The following RNF216 variants were observed in gnomAD, a reference collection of about 807,000 sequenced individuals.
RNF216 encodes the protein E3 ubiquitin-protein ligase RNF216.
RNF216 carries 72 observed loss-of-function variants against 110.8 expected under a neutral mutation model. The ratio of observed to expected loss-of-function variants is 0.65; its 90% CI spans 0.54 to 0.79. The LOEUF is 0.79. Ranked by LOEUF, RNF216 falls within the 30% of genes least tolerant of loss-of-function variation. The probability of loss-of-function intolerance (pLI) is 0.00; values close to 1 mark genes in which losing one functional copy is unlikely to be tolerated. For missense variants in RNF216, 1,342 were observed against 1,141.2 expected (o/e 1.18, Z -2.54); for synonymous variants, 495 against 407.5 (o/e 1.21, Z -2.59).
chr7:5,753,031 A>G (rs751768442), intron 2 of RNF216, 52 bp from the exon 3 acceptor site: 3 of 1,563,122 alleles, frequency 1.9e-6, no homozygotes, highest in Non-Finnish European at 2.6e-6. Context: ...TATCACATCC[A>G]ACTCTTTAAG....
chr7:5,667,185 A>C (rs2056484108), intron 13 of RNF216, among the ~76,000 whole-genome samples: 1 of 152,242 alleles, frequency 6.6e-6, no homozygotes, highest in South Asian at 2.1e-4. Context: ...TAGTGGATTT[A>C]AAGTTAGAAC....
chr7:5,762,483 C>T (rs7805039), intron 1 of RNF216, among the ~76,000 whole-genome samples: 1 of 151,410 alleles, frequency 6.6e-6, no homozygotes, highest in Non-Finnish European at 1.5e-5. Flanking sequence ...CGGTGAAACC[C>T]CATCTCTACT....
chr7:5,712,207 C>T (rs1419458148), intron 12 of RNF216, among the ~76,000 whole-genome samples: 9 of 152,170 alleles, frequency 5.9e-5, no homozygotes, highest in East Asian at 3.8e-4. Context: ...AGTCTGGGCG[C>T]GGTGGCTCAC....
intron 5 of RNF216, among the ~76,000 whole-genome samples, chr7:5,738,074 A>C (rs1360578071): frequency 5.8e-5 from 8 of 137,910 alleles, no homozygotes; most frequent in African/African-American, 8.3e-5. Context: ...GGGCAACAGA[A>C]TAAGACTGTC....
At chr7:5,714,923 T>G in intron 11 of RNF216, 130 bp downstream of exon 11, 1 of 728,042 alleles carries the variant, frequency 1.4e-6, no homozygotes. Context: ...CATCAGGTAA[T>G]GTACACATAA....
chr7:5,764,685 A>C (rs1277421424), intron 1 of RNF216, among the ~76,000 whole-genome samples: 2 of 151,992 alleles, frequency 1.3e-5, no homozygotes, highest in South Asian at 2.1e-4. Context: ...AGCAATTAAC[A>C]CTAAAGTAAT....
intron 8 of RNF216, among the ~76,000 whole-genome samples, chr7:5,721,797 C>T (rs76683748): frequency 0.038 from 5,747 of 152,272 alleles, 160 homozygotes; most frequent in East Asian, 0.072. Context: ...ATACAAGGGG[C>T]TGAAGGAACA....
At chr7:5,716,813 T>A (rs1562423649) in intron 9 of RNF216, 47 bp from the exon 10 acceptor site, 1 of 1,405,504 alleles carries the variant, frequency 7.1e-7, no homozygotes, top group Non-Finnish European at 1.0e-6. Context: ...TTAGTAAAAA[T>A]GACACTAACC....
chr7:5,717,005 A>C (rs1355974202), intron 9 of RNF216, among the ~76,000 whole-genome samples: 1 of 152,226 alleles, frequency 6.6e-6, no homozygotes, highest in Non-Finnish European at 1.5e-5. Flanking sequence ...AGGCTGACAC[A>C]TAAAACACTT....
chr7:5,740,740 T>C (rs564158510), intron 4 of RNF216, among the ~76,000 whole-genome samples: 2 of 152,212 alleles, frequency 1.3e-5, no homozygotes, highest in African/African-American at 4.8e-5. Flanking sequence ...CAGGCCACCA[T>C]GATATGCAGT....
chr7:5,711,083 A>C (rs1238655481), intron 13 of RNF216, among the ~76,000 whole-genome samples: 1 of 152,252 alleles, frequency 6.6e-6, no homozygotes, highest in East Asian at 1.9e-4. Flanking sequence ...CTAATCATGC[A>C]ATTTTAGAAA....
Position 5,687,416 on chromosome 7 carries a change from AAAAAG to A in RNF216, c.2061+24340_2061+24344del, listed in dbSNP as rs1317085014. Among the ~76,000 whole-genome samples the A allele has an allele frequency of 2.9e-4, 43 of 149,134 alleles. 1 individual carries two copies. The highest frequency in any genetic ancestry group is 8.3e-4 in the African/African-American group (33 of 39,922). On this transcript the variant is annotated intron_variant, in intron 13 of 16. Transcript: ENST00000389902. ...CCTCAAAAAAAAAAAAAAAAAAAAG[AAAAAG>A]AAAAGAAAAGAAAGAAAAGAAATTA...
intron 15 of RNF216, among the ~76,000 whole-genome samples, chr7:5,631,918 G>A (rs1481615262): frequency 6.6e-6 from 1 of 152,162 alleles, no homozygotes; most frequent in African/African-American, 2.4e-5. Context: ...GGATTGCTTA[G>A]CTCACACCCC....
At chr7:5,679,113 T>C (rs1790490875) in intron 13 of RNF216, among the ~76,000 whole-genome samples, 1 of 152,224 alleles carries the variant, frequency 6.6e-6, no homozygotes, top group South Asian at 2.1e-4. Flanking sequence ...TGAGTGCTTA[T>C]GGATGAAACA....
rs183745860 is a variant in RNF216, at chr7:5,689,392, A to G, written c.2061+22369T>C. Among the ~76,000 whole-genome samples the G allele has an allele frequency of 3.9e-5, 6 of 152,072 alleles. No homozygotes were observed. The East Asian group carries it at 1.2e-3, about 29-fold the overall frequency. ...AAAAAAAAAAAAAGAAAGAAGAAGA[A>G]AAGTGAAAGGCAAAACATCCAAAGC... On this transcript the variant is annotated intron_variant, in intron 13 of 16. Transcript: ENST00000389902.
At chr7:5,656,248 G>A (rs747800746) in intron 13 of RNF216, among the ~76,000 whole-genome samples, 17 of 152,134 alleles carry the variant, frequency 1.1e-4, no homozygotes, top group South Asian at 2.1e-4. Context: ...CAGCCTGGGC[G>A]GCAGAGCAAG....
At chr7:5,712,951 G>T in intron 11 of RNF216, 88 bp from the exon 12 acceptor site, 1 of 1,183,760 alleles carries the variant, frequency 8.4e-7, no homozygotes, top group Non-Finnish European at 1.2e-6. Context: ...CATAGATCCT[G>T]AGACAACATA....
At chr7:5,756,999 A>G (rs1795678955) in intron 2 of RNF216, among the ~76,000 whole-genome samples, 1 of 152,210 alleles carries the variant, frequency 6.6e-6, no homozygotes, top group Admixed American at 6.5e-5. Context: ...ATGGCATTAC[A>G]TGTATCTCAT....
chr7:5,732,141 A>T (rs1386854890), intron 5 of RNF216, among the ~76,000 whole-genome samples: 1 of 152,208 alleles, frequency 6.6e-6, no homozygotes, highest in African/African-American at 2.4e-5. Flanking sequence ...GGGCGACAAG[A>T]ATTCAGAGTA....
Sources: allele counts gnomAD v4.1 joint callset (sites outside exome capture counted in the v4.1 genomes callset), GRCh38; gene constraint gnomAD v4.1.1; transcripts MANE v1.5; gene names NCBI Gene and HGNC (gene_info 2026-07-23, HGNC 2026-07-21).